The following TEAD1 variants were observed in gnomAD, a reference collection of about 807,000 sequenced individuals.
The protein encoded by TEAD1 is TEA domain transcription factor 1.
Under a neutral mutation model 54.9 loss-of-function variants are expected in TEAD1, and 9 were observed. The ratio of observed to expected loss-of-function variants is 0.16; its 90% CI spans 0.10 to 0.29. TEAD1 has a LOEUF of 0.29. TEAD1 is among the 10% of genes least tolerant of loss of function. The pLI, the probability that TEAD1 is intolerant of heterozygous loss-of-function variation, is 1.00. For synonymous variants in TEAD1, 200 were observed against 187.8 expected (o/e 1.07, Z -0.53); for missense variants, 387 against 535.9 (o/e 0.72, Z 2.74).
chr11:12,731,824 C>A (rs529504960), intron 2 of TEAD1, among the ~76,000 whole-genome samples: 3 of 152,178 alleles, frequency 2.0e-5, no homozygotes, highest in Non-Finnish European at 4.4e-5. Context: ...CTCACTGTCC[C>A]CATTTCTCTT....
At chr11:12,899,379 A>C (rs1379185106) in intron 9 of TEAD1, among the ~76,000 whole-genome samples, 1 of 152,094 alleles carries the variant, frequency 6.6e-6, no homozygotes, top group African/African-American at 2.4e-5. Flanking sequence ...GTCTGTGCCC[A>C]CACCTTTGCC....
At chr11:12,685,111 T>G (rs1943306078) in intron 2 of TEAD1, among the ~76,000 whole-genome samples, 3 of 152,216 alleles carry the variant, frequency 2.0e-5, no homozygotes, top group Non-Finnish European at 4.4e-5. Context: ...TCTGAGCAGT[T>G]AAGATTGCTT....
At chr11:12,729,302 A>T (rs1944374766) in intron 2 of TEAD1, among the ~76,000 whole-genome samples, 1 of 152,298 alleles carries the variant, frequency 6.6e-6, no homozygotes, top group South Asian at 2.1e-4. Flanking sequence ...CGTCAGCATC[A>T]CCTTGTTAGT....
chr11:12,840,735 T>C (rs7932062), intron 3 of TEAD1, among the ~76,000 whole-genome samples: 5,296 of 152,230 alleles, frequency 0.035, 343 homozygotes, highest in African/African-American at 0.12. Flanking sequence ...AACTAAGGCA[T>C]AGACTTCATA....
intron 3 of TEAD1, among the ~76,000 whole-genome samples, chr11:12,775,673 C>A (rs954360201): frequency 6.6e-6 from 1 of 152,030 alleles, no homozygotes; most frequent in Non-Finnish European, 1.5e-5. Context: ...GAAGTGTGTT[C>A]GTTGGGAGGA....
At chr11:12,721,673 G>T (rs138582045) in intron 2 of TEAD1, among the ~76,000 whole-genome samples, 2 of 152,232 alleles carry the variant, frequency 1.3e-5, no homozygotes, top group Non-Finnish European at 2.9e-5. Flanking sequence ...GATAACGTCT[G>T]TTAGCCCAGG....
intron 2 of TEAD1, among the ~76,000 whole-genome samples, chr11:12,689,592 G>C (rs568101717): frequency 4.6e-5 from 7 of 152,210 alleles, no homozygotes; most frequent in African/African-American, 1.7e-4. Context: ...CCATCATCCA[G>C]CAGCTGTGAA....
chr11:12,882,850 A>T, intron 8 of TEAD1, 151 bp from the exon 9 acceptor site: 2 of 1,135,882 alleles, frequency 1.8e-6, no homozygotes, highest in Non-Finnish European at 2.6e-6. Flanking sequence ...CTCTGCCAGC[A>T]TCTGTCGTCT....
chr11:12,880,636 G>A (rs1947945476), intron 6 of TEAD1, among the ~76,000 whole-genome samples: 1 of 152,220 alleles, frequency 6.6e-6, no homozygotes, highest in African/African-American at 2.4e-5. Context: ...TGTTGACGCA[G>A]AATATTATGC....
At chr11:12,849,675 T>C (rs1947228547) in intron 3 of TEAD1, among the ~76,000 whole-genome samples, 1 of 152,224 alleles carries the variant, frequency 6.6e-6, no homozygotes, top group Non-Finnish European at 1.5e-5. Flanking sequence ...AAGAACTAAA[T>C]ACTGGACGTC....
At chr11:12,704,993 C>T (rs1280895677) in intron 2 of TEAD1, among the ~76,000 whole-genome samples, 1 of 152,180 alleles carries the variant, frequency 6.6e-6, no homozygotes, top group East Asian at 1.9e-4. Flanking sequence ...CAATGGCTAT[C>T]TCTGGAATGA....
At chr11:12,682,698 A>T (rs749559553) in intron 2 of TEAD1, among the ~76,000 whole-genome samples, 49 of 152,078 alleles carry the variant, frequency 3.2e-4, no homozygotes, top group Admixed American at 7.2e-4. Context: ...TTAAACATTT[A>T]TGGGTGCTAC....
At chr11:12,768,015 A>G (rs1001278792) in intron 3 of TEAD1, among the ~76,000 whole-genome samples, 27 of 152,236 alleles carry the variant, frequency 1.8e-4, no homozygotes, top group Non-Finnish European at 3.1e-4. Flanking sequence ...AACAAAATAG[A>G]TAGCAAACCA....
intron 3 of TEAD1, among the ~76,000 whole-genome samples, chr11:12,853,357 C>A (rs1457550271): frequency 6.6e-6 from 1 of 152,042 alleles, no homozygotes; most frequent in Non-Finnish European, 1.5e-5. Flanking sequence ...ACACTGAACA[C>A]CATACTAAAG....
At chr11:12,905,849 CA>C (rs2134134008) in intron 10 of TEAD1, among the ~76,000 whole-genome samples, 1 of 152,252 alleles carries the variant, frequency 6.6e-6, no homozygotes, top group African/African-American at 2.4e-5. Flanking sequence ...CTGCTACGTC[CA>C]ACCTGGGCTC....
At chr11:12,798,450 A>C (rs1288733991) in intron 3 of TEAD1, among the ~76,000 whole-genome samples, 1 of 152,220 alleles carries the variant, frequency 6.6e-6, no homozygotes, top group African/African-American at 2.4e-5. Context: ...CCCTAAAGAC[A>C]GGGCTCCATT....
chr11:12,856,829 A>G (rs1247882565), intron 3 of TEAD1, among the ~76,000 whole-genome samples: 1 of 152,146 alleles, frequency 6.6e-6, no homozygotes, highest in Non-Finnish European at 1.5e-5. Flanking sequence ...AGTTTGCCTT[A>G]GGACTGGCCA....
At chr11:12,808,243 T>TA (rs1946219539) in intron 3 of TEAD1, among the ~76,000 whole-genome samples, 2 of 107,500 alleles carry the variant, frequency 1.9e-5, no homozygotes, top group East Asian at 9.7e-4. Context: ...AGGGAAATTA[T>TA]AGGTCATAGT....
At chr11:12,689,191 C>T (rs147680897) in intron 2 of TEAD1, among the ~76,000 whole-genome samples, 2 of 152,180 alleles carry the variant, frequency 1.3e-5, no homozygotes, top group South Asian at 4.1e-4. Flanking sequence ...TTTAAGATCT[C>T]AGAGACTCTA....
Sources: gnomAD v4.1 joint callset for allele counts (sites outside exome capture counted in the v4.1 genomes callset) on GRCh38, gnomAD v4.1.1 for gene constraint, MANE v1.5 for transcripts, NCBI Gene and HGNC (gene_info 2026-07-23, HGNC 2026-07-21) for gene names.